Variants in LHFPL3 observed in about 807,000 individuals in gnomAD.
LHFPL3 encodes the protein LHFPL tetraspan subfamily member 3 protein.
A neutral mutation model predicts 19.3 loss-of-function variants in LHFPL3; 5 were observed. The observed-to-expected ratio is 0.26, with a 90% CI of 0.14 to 0.54. The LOEUF (loss-of-function observed/expected upper bound fraction) is 0.54. Among genes scored for constraint, LHFPL3 ranks in the 20% least tolerant of loss-of-function variants. The pLI is 0.94. For synonymous variants in LHFPL3, 133 were observed against 126.2 expected (o/e 1.05, Z -0.36); for missense variants, 249 against 307.4 (o/e 0.81, Z 1.42).
Position 104,449,668 on chromosome 7 carries a change from T to C in LHFPL3, c.445+120444T>C, listed in dbSNP as rs138840641. Among the ~76,000 whole-genome samples, 79 of 152,350 alleles carry C rather than the reference T, an allele frequency of 5.2e-4. No individual in the cohort carries two copies. The East Asian group carries it at 0.013, about 26-fold the overall frequency. On this transcript the variant is annotated intron_variant, in intron 1 of 2. Coordinates refer to ENST00000424859, the MANE Select transcript of LHFPL3 (RefSeq NM_199000.3). ...GTCAGAGGGTTTGCCTTAATCCATT[T>C]ACAGCCCAACGGTAATCCTTTGCTT...
intron 2 of LHFPL3, among the ~76,000 whole-genome samples, chr7:104,902,051 G>A (rs1024702648): frequency 1.3e-5 from 2 of 152,080 alleles, no homozygotes; most frequent in Non-Finnish European, 2.9e-5. Flanking sequence ...TGGGTCAGAA[G>A]TACAGTCCCA....
chr7:104,487,692 C>A (rs905444718), intron 1 of LHFPL3, among the ~76,000 whole-genome samples: 2 of 152,164 alleles, frequency 1.3e-5, no homozygotes, highest in African/African-American at 4.8e-5. Flanking sequence ...TATTCAGGGA[C>A]GTGTTGAGTC....
chr7:104,558,240 T>G (rs1284355111), intron 1 of LHFPL3, among the ~76,000 whole-genome samples: 2 of 151,664 alleles, frequency 1.3e-5, no homozygotes, highest in African/African-American at 2.4e-5. Context: ...TCTAGATCCC[T>G]GAGGAATCGC....
At chr7:104,370,487 C>T (rs1584272770) in intron 1 of LHFPL3, among the ~76,000 whole-genome samples, 1 of 152,132 alleles carries the variant, frequency 6.6e-6, no homozygotes, top group East Asian at 1.9e-4. Flanking sequence ...AGAGTCCCAG[C>T]CCCAGCATCG....
At chr7:104,672,512 A>T (rs1274724331) in intron 1 of LHFPL3, among the ~76,000 whole-genome samples, 1 of 152,200 alleles carries the variant, frequency 6.6e-6, no homozygotes, top group Non-Finnish European at 1.5e-5. Context: ...ATAAATGAAT[A>T]ATCTCAGCGG....
chr7:104,611,900 C>T (rs1053024113), intron 1 of LHFPL3, among the ~76,000 whole-genome samples: 3 of 152,170 alleles, frequency 2.0e-5, no homozygotes, highest in African/African-American at 7.2e-5. Flanking sequence ...CTTCCTTATA[C>T]ACTTCACACT....
At chr7:104,580,782 A>G (rs940510313) in intron 1 of LHFPL3, among the ~76,000 whole-genome samples, 1 of 152,036 alleles carries the variant, frequency 6.6e-6, no homozygotes, top group African/African-American at 2.4e-5. Context: ...AAAACTCCAT[A>G]TACATTGAAT....
chr7:104,421,833 T>A (rs1027917133), intron 1 of LHFPL3, among the ~76,000 whole-genome samples: 1 of 152,176 alleles, frequency 6.6e-6, no homozygotes, highest in Non-Finnish European at 1.5e-5. Flanking sequence ...TAACTTCCAA[T>A]GTGATGGTGT....
chr7:104,889,845 T>C (rs539517646), intron 2 of LHFPL3, among the ~76,000 whole-genome samples: 1 of 152,358 alleles, frequency 6.6e-6, no homozygotes, highest in East Asian at 1.9e-4. Context: ...ATTACCTTGA[T>C]GAAGTAGAAA....
rs61484994 is a variant in LHFPL3, at chr7:104,419,178, T to TAA, written c.445+89962_445+89963dup. 8.7e-3 allele frequency among the ~76,000 whole-genome samples: 1,314 copies of TAA among 151,522 alleles called. 77 individuals carry two copies. In the East Asian group the frequency reaches 0.16, roughly 19 times the overall value. ...AAAGATAAACTCCAAGGTATATTGG[T>TAA]AAAAAAAAATAAACTATGGATGATG... On this transcript the variant is annotated intron_variant, in intron 1 of 2. Transcript: ENST00000424859.
intron 1 of LHFPL3, among the ~76,000 whole-genome samples, chr7:104,677,666 T>G (rs995222763): frequency 1.3e-5 from 2 of 152,208 alleles, no homozygotes; most frequent in African/African-American, 4.8e-5. Context: ...GCTGGAACTT[T>G]CTGCAATGAT....
At chr7:104,519,485 G>T (rs935676616) in intron 1 of LHFPL3, among the ~76,000 whole-genome samples, 6 of 152,138 alleles carry the variant, frequency 3.9e-5, no homozygotes, top group African/African-American at 1.4e-4. Flanking sequence ...CATTTTGATA[G>T]ATGTACATCC....
chr7:104,732,166 G>T (rs1584502557), intron 1 of LHFPL3, among the ~76,000 whole-genome samples: 1 of 152,174 alleles, frequency 6.6e-6, no homozygotes. Flanking sequence ...GTTCATCAGG[G>T]ATATTGATCT....
At chr7:104,448,721 T>A (rs77009425) in intron 1 of LHFPL3, among the ~76,000 whole-genome samples, 6,632 of 152,274 alleles carry the variant, frequency 0.044, 507 homozygotes, top group African/African-American at 0.15. Flanking sequence ...GTGTTAGAGA[T>A]AACAGGACAC....
intron 1 of LHFPL3, among the ~76,000 whole-genome samples, chr7:104,387,284 C>T (rs924381419): frequency 6.6e-5 from 10 of 152,136 alleles, no homozygotes; most frequent in African/African-American, 2.4e-4. Flanking sequence ...AGGAGAATTG[C>T]TTGAACCCTA....
chr7:104,770,890 G>T (rs1487106758), intron 2 of LHFPL3, among the ~76,000 whole-genome samples: 8 of 152,034 alleles, frequency 5.3e-5, no homozygotes, highest in African/African-American at 1.9e-4. Flanking sequence ...TGCATATTGT[G>T]CCCCACCGCA....
chr7:104,350,334 T>TC (rs1790149749), intron 1 of LHFPL3, among the ~76,000 whole-genome samples: 2 of 152,152 alleles, frequency 1.3e-5, no homozygotes, highest in African/African-American at 2.4e-5. Flanking sequence ...GACAGAACCG[T>TC]CAGAGAAGCA....
intron 1 of LHFPL3, among the ~76,000 whole-genome samples, chr7:104,417,024 C>G (rs756348381): frequency 6.6e-6 from 1 of 152,184 alleles, no homozygotes; most frequent in Non-Finnish European, 1.5e-5. Context: ...CTCACTAGGC[C>G]CCACTTCCCA....
chr7:104,544,515 A>G (rs1794544547), intron 1 of LHFPL3, among the ~76,000 whole-genome samples: 1 of 152,172 alleles, frequency 6.6e-6, no homozygotes, highest in Admixed American at 6.5e-5. Flanking sequence ...TTTCTTCTCC[A>G]GTTAATCCCA....
Sources: allele counts gnomAD v4.1 joint callset (sites outside exome capture counted in the v4.1 genomes callset), GRCh38; gene constraint gnomAD v4.1.1; transcripts MANE v1.5; gene names NCBI Gene and HGNC (gene_info 2026-07-23, HGNC 2026-07-21).